Variants in RBPMS observed in about 807,000 individuals in gnomAD.
RBPMS encodes RNA binding protein, mRNA processing factor, also known as RNA-binding protein with multiple splicing.
Under a neutral mutation model 26.8 loss-of-function variants are expected in RBPMS, and 7 were observed. The ratio of observed to expected loss-of-function variants is 0.26; its 90% confidence interval spans 0.15 to 0.49. The LOEUF (loss-of-function observed/expected upper bound fraction) is 0.49. Ranked by LOEUF, RBPMS falls within the 20% of genes least tolerant of loss-of-function variation. The pLI is 0.98. For synonymous variants in RBPMS, 96 were observed against 93.3 expected (o/e 1.03, Z -0.17); for missense variants, 186 against 250.0 (o/e 0.74, Z 1.73).
chr8:30,428,177 C>A (rs1331600347), intron 1 of RBPMS, among the ~76,000 whole-genome samples: 2 of 152,012 alleles, frequency 1.3e-5, no homozygotes, highest in African/African-American at 4.8e-5. Flanking sequence ...GTGCACACCA[C>A]CACGCCCAGC....
intron 1 of RBPMS, among the ~76,000 whole-genome samples, chr8:30,464,188 T>C (rs1263516774): frequency 1.3e-5 from 2 of 152,194 alleles, no homozygotes; most frequent in Non-Finnish European, 2.9e-5. Context: ...TATCTAGATA[T>C]TCATGAATGA....
chr8:30,511,471 G>GAAAAAAAA (rs1188894079), intron 5 of RBPMS, among the ~76,000 whole-genome samples: 7 of 11,206 alleles, frequency 6.2e-4, no homozygotes, highest in Admixed American at 1.7e-3. Context: ...AACAAAAAAA[G>GAAAAAAAA]AAAAAAAAAA....
chr8:30,477,407 A>G (rs1455817028), intron 2 of RBPMS, among the ~76,000 whole-genome samples: 1 of 152,168 alleles, frequency 6.6e-6, no homozygotes, highest in Non-Finnish European at 1.5e-5. Context: ...TGACCAATAC[A>G]TGGCTCTGAC....
In RBPMS at chr8:30,541,750, A is replaced by C. The variant is rs145420597; in HGVS notation, c.398-2744A>C. Among the ~76,000 whole-genome samples the C allele has an allele frequency of 5.4e-4, 82 of 152,298 alleles. No homozygotes were observed. The East Asian group carries it at 0.015, about 28-fold the overall frequency. On this transcript the variant is annotated intron_variant, in intron 5 of 8. Transcript: ENST00000397323. ...GAGCAGGATGGGCAGTGACTCAGGA[A>C]GGTGAAACCCATCAGGGCCTTGCCT... is the stretch of plus-strand genomic sequence containing the variant.
intron 1 of RBPMS, among the ~76,000 whole-genome samples, chr8:30,433,687 A>T (rs1344414865): frequency 1.3e-5 from 2 of 152,184 alleles, no homozygotes; most frequent in Admixed American, 1.3e-4. Context: ...ACAAAAAAAG[A>T]AAAAGAGGGT....
intron 2 of RBPMS, among the ~76,000 whole-genome samples, chr8:30,477,370 TA>T (rs1817814580): frequency 6.6e-6 from 1 of 152,184 alleles, no homozygotes; most frequent in Non-Finnish European, 1.5e-5. Flanking sequence ...CTTAATGTTT[TA>T]TTGTTGTTAT....
intron 1 of RBPMS, among the ~76,000 whole-genome samples, chr8:30,428,235 A>G (rs1239912586): frequency 6.6e-6 from 1 of 151,812 alleles, no homozygotes; most frequent in Non-Finnish European, 1.5e-5. Flanking sequence ...GTTGGCCAGG[A>G]TGGTCTTAAT....
At chr8:30,519,456 CTCTTTTTTTTTTTTTTTTTTTTTTTT>C (rs1158891945) in intron 5 of RBPMS, among the ~76,000 whole-genome samples, 2 of 116,524 alleles carry the variant, frequency 1.7e-5, no homozygotes, top group East Asian at 2.4e-4. Context: ...GAGGATCTCT[CTCTTTTTTTTTTTTTTTTTTTTTTTT>C]TTTTTTTTTT....
rs756462639 is a variant in RBPMS, at chr8:30,504,315, A to G, written c.276A>G (p.Gln92=). ...TCCGCTTCGATCCTGAAATTCCGCA[A>G]ACACTACGACTAGAGTTTGCTAAGG... ...NGIRFDPEIP[Q]TLRLEFAKAN... is the part of the protein sequence containing the mutation. Residue 92 remains glutamine, a synonymous_variant, in exon 5 of 9, where the codon CAA becomes CAG. Transcript: ENST00000397323. The G allele has an allele frequency of 5.6e-6, 9 of 1,614,052 alleles. No homozygotes were observed. Among genetic ancestry groups the G allele is most frequent in the Middle Eastern group, 1.6e-4 (1 of 6,084 alleles).
intron 1 of RBPMS, among the ~76,000 whole-genome samples, chr8:30,411,375 T>C (rs903854653): frequency 6.6e-6 from 1 of 151,970 alleles, no homozygotes; most frequent in African/African-American, 2.4e-5. Context: ...TTGAGAAATT[T>C]CCCTCTTGGC....
intron 3 of RBPMS, among the ~76,000 whole-genome samples, 170 bp downstream of exon 3, chr8:30,478,007 A>T (rs1817878439): frequency 6.6e-6 from 1 of 152,256 alleles, no homozygotes; most frequent in African/African-American, 2.4e-5. Context: ...TCATAATTCT[A>T]TAATCTTCAG....
rs115990095 is a variant in RBPMS at position 30,471,621 on chromosome 8, G to T, written c.67-3158G>T. On this transcript the variant is annotated intron_variant, in intron 1 of 8. Coordinates refer to ENST00000397323, the MANE Select transcript of RBPMS (RefSeq NM_001008710.3). Reference sequence around the variant, plus strand: ...CTTCCCAAAATCTGAATAAATGGAAGATGGTATTCTCGCTCTGCCCAGGTT... The same window carrying T: ...CTTCCCAAAATCTGAATAAATGGAATATGGTATTCTCGCTCTGCCCAGGTT... 3.8e-3 allele frequency among the ~76,000 whole-genome samples: 572 copies of T among 152,318 alleles called. 4 individuals carry two copies. The highest frequency in any genetic ancestry group is 0.013 in the African/African-American group (549 of 41,578).
chr8:30,492,841 CT>C (rs1246476948), intron 4 of RBPMS, among the ~76,000 whole-genome samples: 1 of 152,032 alleles, frequency 6.6e-6, no homozygotes, highest in Non-Finnish European at 1.5e-5. Flanking sequence ...TTGTTGTTTT[CT>C]TTTTTTCTTA....
At chr8:30,508,154 G>A (rs1407294542) in intron 5 of RBPMS, among the ~76,000 whole-genome samples, 1 of 152,124 alleles carries the variant, frequency 6.6e-6, no homozygotes, top group Non-Finnish European at 1.5e-5. Context: ...GAGACACCAG[G>A]TATGTATATA....
intron 4 of RBPMS, among the ~76,000 whole-genome samples, chr8:30,499,712 C>T (rs1820351042): frequency 1.3e-5 from 2 of 152,118 alleles, no homozygotes; most frequent in Admixed American, 1.3e-4. Context: ...AGAACTCTTT[C>T]AGGAGACTAA....
At chr8:30,447,198 C>T (rs929571833) in intron 1 of RBPMS, among the ~76,000 whole-genome samples, 1 of 152,006 alleles carries the variant, frequency 6.6e-6, no homozygotes, top group African/African-American at 2.4e-5. Context: ...TGACATGATG[C>T]CCAAAGGGAA....
At chr8:30,486,893 G>A (rs1268428392) in intron 4 of RBPMS, among the ~76,000 whole-genome samples, 1 of 152,076 alleles carries the variant, frequency 6.6e-6, no homozygotes, top group Admixed American at 6.5e-5. Context: ...CCTTTTATGA[G>A]GATCTATTTG....
At chr8:30,505,484 C>CT (rs1820986289) in intron 5 of RBPMS, among the ~76,000 whole-genome samples, 1 of 152,146 alleles carries the variant, frequency 6.6e-6, no homozygotes, top group Admixed American at 6.6e-5. Context: ...TCAGTAGAAA[C>CT]TAACAGATAA....
chr8:30,446,741 C>T (rs539388611), intron 1 of RBPMS, among the ~76,000 whole-genome samples: 56 of 151,666 alleles, frequency 3.7e-4, no homozygotes, highest in Non-Finnish European at 6.9e-4. Context: ...AGCGATCTAC[C>T]CACCTCAGTC....
Sources: allele counts gnomAD v4.1 joint callset (sites outside exome capture counted in the v4.1 genomes callset), GRCh38; gene constraint gnomAD v4.1.1; transcripts MANE v1.5; gene names NCBI Gene and HGNC (gene_info 2026-07-23, HGNC 2026-07-21).